The following MFSD6 variants were observed in gnomAD, a reference collection of about 807,000 sequenced individuals.
MFSD6 encodes the protein major facilitator superfamily domain containing 6.
Under a neutral mutation model 56.3 loss-of-function variants are expected in MFSD6, and 26 were observed. That is an observed-to-expected ratio of 0.46 (90% CI 0.34 to 0.64). The LOEUF (loss-of-function observed/expected upper bound fraction) is 0.64. MFSD6 is among the 30% of genes least tolerant of loss of function. The probability of loss-of-function intolerance (pLI) is 0.01; values close to 1 mark genes in which losing one functional copy is unlikely to be tolerated. For missense variants in MFSD6, 750 were observed against 986.2 expected (o/e 0.76, Z 3.21); for synonymous variants, 331 against 366.9 (o/e 0.90, Z 1.12).
At chr2:190,442,271 G>GT (rs1293109456) in intron 3 of MFSD6, among the ~76,000 whole-genome samples, 2 of 152,092 alleles carry the variant, frequency 1.3e-5, no homozygotes, top group Non-Finnish European at 2.9e-5. Context: ...GTTCAATTTA[G>GT]TTGAACAGTT....
In MFSD6 at chr2:190,465,918, G is replaced by A. The variant is rs556607059; in HGVS notation, c.1533-3840G>A. ...TGAGGCAGAAGAATCGCTTGAATCC[G>A]GGAGGCGGTGGTTACAGCAAACCAA... On this transcript the variant is annotated intron_variant, in intron 3 of 7. Coordinates refer to ENST00000392328, the MANE Select transcript of MFSD6 (RefSeq NM_017694.4). The surrounding 1 kb of genome is among the most constrained non-coding windows in gnomAD (Gnocchi z 4.6). 1.7e-4 allele frequency among the ~76,000 whole-genome samples: 26 copies of A among 152,246 alleles called. No homozygotes were observed. The highest frequency in any genetic ancestry group is 4.3e-4 in the African/African-American group (18 of 41,550).
At chr2:190,482,789 A>T (rs1184475467) in intron 4 of MFSD6, among the ~76,000 whole-genome samples, 1 of 141,900 alleles carries the variant, frequency 7.0e-6, no homozygotes, top group East Asian at 2.3e-4. Context: ...GTTATAAGGT[A>T]TTTGGGGCAT....
intron 2 of MFSD6, among the ~76,000 whole-genome samples, chr2:190,422,981 A>G (rs1685677168): frequency 6.6e-6 from 1 of 152,148 alleles, no homozygotes; most frequent in Admixed American, 6.5e-5. Flanking sequence ...AAAGCCCTAG[A>G]TAAGAAAATA....
In MFSD6 at chr2:190,467,305, T is replaced by G. The variant is rs932401205; in HGVS notation, c.1533-2453T>G. Reference sequence around the variant, plus strand: ...CTGTAGTTGTAAACAGTTACCATGGTAAATCTGATGTCCAGCCAAGGTTAA... The same window carrying G: ...CTGTAGTTGTAAACAGTTACCATGGGAAATCTGATGTCCAGCCAAGGTTAA... On this transcript the variant is annotated intron_variant, in intron 3 of 7. Coordinates refer to ENST00000392328, the MANE Select transcript of MFSD6 (RefSeq NM_017694.4). The surrounding 1 kb of genome is among the most constrained non-coding windows in gnomAD (Gnocchi z 5.5). Among the ~76,000 whole-genome samples the G allele has an allele frequency of 1.3e-5, 2 of 152,128 alleles. No individual in the cohort carries two copies. The highest frequency in any genetic ancestry group is 4.1e-4 in the South Asian group (2 of 4,826).
In MFSD6 at chr2:190,497,702, G is replaced by C; in HGVS notation, c.2155G>C (p.Glu719Gln). 1 of 1,613,856 alleles carries C rather than the reference G, an allele frequency of 6.2e-7. No homozygotes were observed. Among genetic ancestry groups the C allele is most frequent in the Non-Finnish European group, 8.5e-7 (1 of 1,179,768 alleles). ...MQLTRDNRASEIQPLQGTNEN... is the reference protein window; with the variant it reads ...MQLTRDNRASQIQPLQGTNEN... ...ACTCACAAGAGACAACCGTGCTTCT[G>C]AGATACAGCCTTTACAGGTACAGTT... Residue 719 changes from glutamate (E) to glutamine (Q), a missense_variant, in exon 7 of 8, where the codon GAG becomes CAG. Around this residue, in one of 5 missense-constraint regions of MFSD6, gnomAD observed 172 missense variants for 203.9 expected, o/e 0.84. Transcript: ENST00000392328. This position sits in a 1 kb window ranked among gnomAD's most constrained non-coding sequence, Gnocchi z 5.2.
rs771015828 is a variant in MFSD6 at position 190,416,513 on chromosome 2, G to A, written c.-54+1100G>A. Among the ~76,000 whole-genome samples, 12 of 152,170 alleles carry A rather than the reference G, an allele frequency of 7.9e-5. No individual in the cohort carries two copies. Among genetic ancestry groups the A allele is most frequent in the Non-Finnish European group, 1.5e-4 (10 of 68,038 alleles). On this transcript the variant is annotated intron_variant, in intron 2 of 7. Coordinates refer to ENST00000392328, the MANE Select transcript of MFSD6 (RefSeq NM_017694.4). This position sits in a 1 kb window ranked among gnomAD's most constrained non-coding sequence, Gnocchi z 4.1. Reference sequence around the variant, plus strand: ...ATAGTGTGTTCTCCAGTGAACCAGTGCCTCACAGGCCCCCATCAGGCTGTA... The same window carrying A: ...ATAGTGTGTTCTCCAGTGAACCAGTACCTCACAGGCCCCCATCAGGCTGTA...
chr2:190,477,319 C>G, intron 4 of MFSD6: 2 of 984,742 alleles, frequency 2.0e-6, no homozygotes, highest in Non-Finnish European at 2.4e-6. Context: ...CTATCCTGAC[C>G]TGGCTTAATT....
In MFSD6 at chr2:190,437,261, T is replaced by C. The variant is rs770292794; in HGVS notation, c.1232T>C (p.Val411Ala). Residue 411 changes from valine (V) to alanine (A), a missense_variant, in exon 3 of 8, where the codon GTG becomes GCG. Transcript: ENST00000392328. The surrounding 1 kb of genome is among the most constrained non-coding windows in gnomAD (Gnocchi z 5.9). ...SKGKEVEIPQ[V>A]ERNNSTESSE... is the part of the protein sequence containing the mutation. ...GGGAAAGAGGTGGAGATCCCGCAGG[T>C]GGAAAGGAACAACTCTACAGAGTCC... The C allele has an allele frequency of 7.4e-6, 12 of 1,614,104 alleles. No homozygotes were observed. The highest frequency in any genetic ancestry group is 9.3e-6 in the Non-Finnish European group (11 of 1,179,994).
intron 2 of MFSD6, 44 bp from the exon 3 acceptor site, chr2:190,435,933 T>G: frequency 6.9e-7 from 1 of 1,443,558 alleles, no homozygotes; most frequent in Non-Finnish European, 9.3e-7. Context: ...GTTTACATGT[T>G]ATGATTTTCA....
rs1345757166 is a variant in MFSD6, at chr2:190,494,455, T to C, written c.1892-2984T>C. Reference sequence around the variant, plus strand: ...ATTGGTACCAATCCTATTGACACTATTCCACAAGATAGAGAAAGAGGGAAT... The same window carrying C: ...ATTGGTACCAATCCTATTGACACTACTCCACAAGATAGAGAAAGAGGGAAT... On this transcript the variant is annotated intron_variant, in intron 6 of 7. Transcript: ENST00000392328. The surrounding 1 kb of genome is among the most constrained non-coding windows in gnomAD (Gnocchi z 5.7). 6.6e-6 allele frequency among the ~76,000 whole-genome samples: 1 copy of C among 152,134 alleles called. No homozygotes were observed. Among genetic ancestry groups the C allele is most frequent in the Non-Finnish European group, 1.5e-5 (1 of 68,010 alleles).
chr2:190,460,338 A>C (rs1687258898), intron 3 of MFSD6, among the ~76,000 whole-genome samples: 1 of 152,156 alleles, frequency 6.6e-6, no homozygotes, highest in Non-Finnish European at 1.5e-5. Context: ...TTTTAAGTCC[A>C]TTCATTCTTT....
At position 190,418,298 on chromosome 2, in the gene MFSD6, T is replaced by A. The variant is rs1407120626; in HGVS notation, c.-54+2885T>A. 1.3e-5 allele frequency among the ~76,000 whole-genome samples: 2 copies of A among 152,200 alleles called. No homozygotes were observed. Among genetic ancestry groups the A allele is most frequent in the African/African-American group, 4.8e-5 (2 of 41,448 alleles). On this transcript the variant is annotated intron_variant, in intron 2 of 7. Transcript: ENST00000392328. The surrounding 1 kb of genome is among the most constrained non-coding windows in gnomAD (Gnocchi z 4.1). ...ATGCTAGGTTCATAGCAAGTGTTACTTAAGTGTTATTGTATTGTAGTTGGT... is the reference window on the plus strand; with the variant it reads ...ATGCTAGGTTCATAGCAAGTGTTACATAAGTGTTATTGTATTGTAGTTGGT...
In MFSD6 at chr2:190,454,316, G is replaced by C. The variant is rs1435623043; in HGVS notation, c.1533-15442G>C. 3.3e-5 allele frequency: 5 copies of C among 152,222 alleles called. No homozygotes were observed. Among genetic ancestry groups the C allele is most frequent in the East Asian group, 3.9e-4 (2 of 5,170 alleles). The allele number at this position is 152,222 out of a possible 1,614,324, so 9.4% of individuals were successfully genotyped here. ...TTAGAGAGTGAAGGTATTAAAGATA[G>C]AGATAAGAAGCATTTTTCTATGGAC... On this transcript the variant is annotated intron_variant, in intron 3 of 7. Transcript: ENST00000392328. The surrounding 1 kb of genome is among the most constrained non-coding windows in gnomAD (Gnocchi z 4.6).
In MFSD6 at chr2:190,437,199, G is replaced by C; in HGVS notation, c.1170G>C (p.Arg390=). The C allele has an allele frequency of 6.2e-7, 1 of 1,614,210 alleles. No individual in the cohort carries two copies. Among genetic ancestry groups the C allele is most frequent in the Non-Finnish European group, 8.5e-7 (1 of 1,180,040 alleles). ...CCTTGATCGTTGCCACTCAGTTCCGGTTCCGCTACAACCATTTCAAAAACG... is the reference window on the plus strand; with the variant it reads ...CCTTGATCGTTGCCACTCAGTTCCGCTTCCGCTACAACCATTTCAAAAACG... ...TMALIVATQF[R]FRYNHFKNDD... The change falls in exon 3 of 8, where the codon CGG becomes CGC. Residue 390 remains arginine, a synonymous_variant. Transcript: ENST00000392328. This position sits in a 1 kb window ranked among gnomAD's most constrained non-coding sequence, Gnocchi z 5.9.
chr2:190,468,934 G>A (rs1300559423), intron 3 of MFSD6, among the ~76,000 whole-genome samples: 4 of 152,112 alleles, frequency 2.6e-5, no homozygotes, highest in Non-Finnish European at 4.4e-5. Flanking sequence ...TACCATTAGG[G>A]TGTATTTTGT....
chr2:190,427,382 A>G (rs890662694), intron 2 of MFSD6, among the ~76,000 whole-genome samples: 1 of 152,160 alleles, frequency 6.6e-6, no homozygotes, highest in Non-Finnish European at 1.5e-5. Context: ...TAGGGTTATG[A>G]TCATTTTTTC....
rs1476787079 is a variant in MFSD6, at chr2:190,454,076, TA to T, written c.1533-15681del. Reference sequence around the variant, plus strand: ...TTCCTGACCACCAGTAAAATTATTGTAGGCCTCGCAATTTATAGTTTTAACA... The same window carrying T: ...TTCCTGACCACCAGTAAAATTATTGTGGCCTCGCAATTTATAGTTTTAACA... On this transcript the variant is annotated intron_variant, in intron 3 of 7. Transcript: ENST00000392328. The surrounding 1 kb of genome is among the most constrained non-coding windows in gnomAD (Gnocchi z 4.6). 2 of 152,224 alleles carry T rather than the reference TA, an allele frequency of 1.3e-5. No homozygotes were observed. Among genetic ancestry groups the T allele is most frequent in the African/African-American group, 4.8e-5 (2 of 41,472 alleles). The allele number at this position is 152,224 out of a possible 1,614,324, so 9.4% of individuals were successfully genotyped here.
Position 190,495,402 on chromosome 2 carries a change from T to C in MFSD6, c.1892-2037T>C, listed in dbSNP as rs1371329880. On this transcript the variant is annotated intron_variant, in intron 6 of 7. Coordinates refer to ENST00000392328, the MANE Select transcript of MFSD6 (RefSeq NM_017694.4). This position sits in a 1 kb window ranked among gnomAD's most constrained non-coding sequence, Gnocchi z 4.7. Reference sequence around the variant, plus strand: ...TGCTCATGGATGGGTAGAATCAATATTGTGAAAATGACCATACTGCTAAAA... The same window carrying C: ...TGCTCATGGATGGGTAGAATCAATACTGTGAAAATGACCATACTGCTAAAA... 6.6e-6 allele frequency among the ~76,000 whole-genome samples: 1 copy of C among 152,170 alleles called. No homozygotes were observed. Among genetic ancestry groups the C allele is most frequent in the Non-Finnish European group, 1.5e-5 (1 of 68,022 alleles).
At position 190,447,321 on chromosome 2, in the gene MFSD6, A is replaced by G. The variant is rs991624270; in HGVS notation, c.1532+9760A>G. On this transcript the variant is annotated intron_variant, in intron 3 of 7. Coordinates refer to ENST00000392328, the MANE Select transcript of MFSD6 (RefSeq NM_017694.4). This position sits in a 1 kb window ranked among gnomAD's most constrained non-coding sequence, Gnocchi z 4.5. Reference sequence around the variant, plus strand: ...TCTGTTAGACATGAGTGATTGAGCGAAACTGTGAGGTTAGGTCAGTGTGAG... The same window carrying G: ...TCTGTTAGACATGAGTGATTGAGCGGAACTGTGAGGTTAGGTCAGTGTGAG... Among the ~76,000 whole-genome samples the G allele has an allele frequency of 1.3e-5, 2 of 152,100 alleles. No homozygotes were observed. The highest frequency in any genetic ancestry group is 1.3e-4 in the Admixed American group (2 of 15,270).
Sources: allele counts gnomAD v4.1 joint callset (sites outside exome capture counted in the v4.1 genomes callset), GRCh38; gene constraint gnomAD v4.1.1; regional missense constraint gnomAD v4.1.1; non-coding constraint Gnocchi (gnomAD v3.1); transcripts MANE v1.5; gene names NCBI Gene and HGNC (gene_info 2026-07-23, HGNC 2026-07-21).